The following TCP11L1 variants were observed in gnomAD, a reference collection of about 807,000 sequenced individuals.
TCP11L1 encodes the protein t-complex 11 like 1.
Under a neutral mutation model 48.9 loss-of-function variants are expected in TCP11L1, and 28 were observed. The ratio of observed to expected loss-of-function variants is 0.57; its 90% CI spans 0.42 to 0.78. The LOEUF (loss-of-function observed/expected upper bound fraction) is 0.78. Ranked by LOEUF, TCP11L1 falls within the 30% of genes least tolerant of loss-of-function variation. The pLI is 0.00. For missense variants in TCP11L1, 505 were observed against 613.4 expected (o/e 0.82, Z 1.87); for synonymous variants, 204 against 231.9 (o/e 0.88, Z 1.09).
intron 2 of TCP11L1, among the ~76,000 whole-genome samples, chr11:33,046,843 T>C (rs1474985): frequency 0.41 from 62,473 of 152,150 alleles, 13,050 homozygotes; most frequent in African/African-American, 0.48. Flanking sequence ...TCTAAAATCA[T>C]ATTTGGAATT....
At chr11:33,053,202 T>C (rs1232439778) in intron 2 of TCP11L1, among the ~76,000 whole-genome samples, 1 of 148,022 alleles carries the variant, frequency 6.8e-6, no homozygotes, top group Admixed American at 7.0e-5. Context: ...TGGAGTGCAA[T>C]GGTGTGATCT....
At chr11:33,064,923 T>C (rs1275793519) in intron 7 of TCP11L1, among the ~76,000 whole-genome samples, 3 of 152,236 alleles carry the variant, frequency 2.0e-5, no homozygotes, top group Non-Finnish European at 4.4e-5. Flanking sequence ...TCCCAGTAGC[T>C]GGGACTGCAG....
At chr11:33,040,209 G>T (rs1311677564) in intron 1 of TCP11L1, 2 of 152,146 alleles carry the variant, frequency 1.3e-5, no homozygotes, top group African/African-American at 2.4e-5. Flanking sequence ...CTTGGCAAGT[G>T]CGAGGATCCT....
At chr11:33,066,066 G>T in intron 8 of TCP11L1, 55 bp downstream of exon 8, 1 of 1,596,806 alleles carries the variant, frequency 6.3e-7, no homozygotes, top group Non-Finnish European at 8.5e-7. Context: ...AGAGCCGACT[G>T]GAGTCTCCCA....
intron 3 of TCP11L1, among the ~76,000 whole-genome samples, chr11:33,055,007 T>C (rs1244123487): frequency 6.6e-6 from 1 of 152,260 alleles, no homozygotes; most frequent in East Asian, 1.9e-4. Flanking sequence ...ACTATAGTTG[T>C]TGGTTTCATC....
At chr11:33,065,533 G>A (rs1854588893) in intron 7 of TCP11L1, among the ~76,000 whole-genome samples, 1 of 152,324 alleles carries the variant, frequency 6.6e-6, no homozygotes, top group South Asian at 2.1e-4. Flanking sequence ...AAAGCGCTGG[G>A]ATTACAGGCG....
At chr11:33,068,062 A>G (rs1177516592) in intron 8 of TCP11L1, among the ~76,000 whole-genome samples, 3 of 151,866 alleles carry the variant, frequency 2.0e-5, no homozygotes, top group Non-Finnish European at 4.4e-5. Flanking sequence ...GATTACAGGC[A>G]CCTATCACCA....
intron 4 of TCP11L1, among the ~76,000 whole-genome samples, chr11:33,057,518 C>T (rs1483088707): frequency 2.6e-5 from 4 of 152,064 alleles, no homozygotes; most frequent in Non-Finnish European, 5.9e-5. Context: ...TTATAATGGC[C>T]AAAAAGTGAC....
chr11:33,053,828 C>G (rs1019345106), intron 2 of TCP11L1, among the ~76,000 whole-genome samples: 26 of 152,068 alleles, frequency 1.7e-4, no homozygotes, highest in African/African-American at 6.3e-4. Flanking sequence ...TTTTTTACAA[C>G]TTTTTATTTT....
chr11:33,045,165 G>A (rs1480083575), intron 2 of TCP11L1, among the ~76,000 whole-genome samples: 1 of 151,734 alleles, frequency 6.6e-6, no homozygotes, highest in Non-Finnish European at 1.5e-5. Flanking sequence ...GACCAGCCTA[G>A]GCAACATAAT....
At chr11:33,051,308 C>T (rs1025228696) in intron 2 of TCP11L1, among the ~76,000 whole-genome samples, 14 of 151,986 alleles carry the variant, frequency 9.2e-5, no homozygotes, top group African/African-American at 2.7e-4. Context: ...GCTGGGACTA[C>T]AGACACCTGC....
intron 2 of TCP11L1, among the ~76,000 whole-genome samples, chr11:33,048,505 T>C (rs1357709623): frequency 6.6e-6 from 1 of 152,262 alleles, no homozygotes; most frequent in African/African-American, 2.4e-5. Context: ...TTGTATGCAG[T>C]GAATAATTCC....
chr11:33,068,890 G>GTGCC, intron 9 of TCP11L1, 31 bp downstream of exon 9: 4 of 1,600,738 alleles, frequency 2.5e-6, no homozygotes, highest in Non-Finnish European at 3.4e-6. Flanking sequence ...CAGCAGGGAT[G>GTGCC]TGCCCTCTGA....
chr11:33,045,621 G>T (rs1402373259), intron 2 of TCP11L1, among the ~76,000 whole-genome samples: 1 of 152,218 alleles, frequency 6.6e-6, no homozygotes, highest in Non-Finnish European at 1.5e-5. Context: ...TTCTGCTAAA[G>T]AAGAACTTTT....
Position 33,058,028 on chromosome 11 carries a change from T to C in TCP11L1, c.527T>C (p.Ile176Thr). The change falls in exon 5 of 10, where the codon ATT becomes ACT. Residue 176 changes from isoleucine to threonine, a missense_variant. Physicochemically the swap from Ile to Thr is moderately conservative, Grantham distance 89 (BLOSUM62 -1). Around this residue, in one of 3 missense-constraint regions of TCP11L1, gnomAD observed 335 missense variants for 413.3 expected, o/e 0.81. Coordinates refer to ENST00000334274, the MANE Select transcript of TCP11L1 (RefSeq NM_018393.4). ...GAAGCAGAGAATGGGGCGCTAGACA[T>C]TTCCAAGCTGGCAGAATTCATTATT... is the stretch of plus-strand genomic sequence containing the variant. ...KQEAENGALDISKLAEFIIGM... is the reference protein window; with the variant it reads ...KQEAENGALDTSKLAEFIIGM... 1 of 1,614,096 alleles carries C rather than the reference T, an allele frequency of 6.2e-7. No individual in the cohort carries two copies. The highest frequency in any genetic ancestry group is 1.1e-5 in the South Asian group (1 of 91,082).
At chr11:33,056,823 G>T in intron 3 of TCP11L1, 1 of 310,198 alleles carries the variant, frequency 3.2e-6, no homozygotes, top group South Asian at 4.6e-5. Context: ...TAACAGCTTT[G>T]AACTTTCCAA....
chr11:33,062,919 G>T (rs567388136), intron 7 of TCP11L1, among the ~76,000 whole-genome samples: 2 of 152,176 alleles, frequency 1.3e-5, no homozygotes, highest in African/African-American at 4.8e-5. Context: ...CTCAGGCTAG[G>T]TGGTACGACA....
chr11:33,073,253 C>CTT lies in TCP11L1; in HGVS notation c.*587_*588dup, dbSNP rs556871696. The CTT allele has an allele frequency of 7.8e-3, 1,162 of 148,292 alleles. 3 individuals are homozygous for CTT. Among genetic ancestry groups the CTT allele is most frequent in the Non-Finnish European group, 0.012 (834 of 66,944 alleles). 9.2% of individuals were successfully genotyped at this position (148,292 alleles called of 1,614,324 possible). A position where few individuals can be genotyped will look rare whatever the true frequency, so the allele number is the denominator to read the frequency against. The stretch of plus-strand genomic sequence containing the variant: ...AGAGGAGAGTTATTTGTCTCTCTCT[C>CTT]TTTTTTTTTTTACTTTCTTTTTTGT... On this transcript the variant is annotated 3_prime_UTR_variant, in exon 10 of 10. Coordinates refer to ENST00000334274, the MANE Select transcript of TCP11L1 (RefSeq NM_018393.4).
rs1230179455 is a variant in TCP11L1 at position 33,065,963 on chromosome 11, A to T, written c.1106A>T (p.Glu369Val). The T allele has an allele frequency of 1.2e-6, 2 of 1,614,078 alleles. No individual in the cohort carries two copies. The highest frequency in any genetic ancestry group is 2.7e-5 in the African/African-American group (2 of 74,936). ...PGISSQADFAEKLKMIVKILL... is the reference protein window; with the variant it reads ...PGISSQADFAVKLKMIVKILL... ...ATTTCCAGCCAGGCCGACTTTGCTG[A>T]GAAACTCAAGATGATTGTGAAGATT... Residue 369 changes from glutamate to valine, a missense_variant, in exon 8 of 10, where the codon GAG becomes GTG. Physicochemically the swap from Glu to Val is moderately radical, Grantham distance 121. This residue lies in a region of TCP11L1 where 335 missense variants were observed against 413.3 expected (regional missense o/e 0.81). Coordinates refer to ENST00000334274, the MANE Select transcript of TCP11L1 (RefSeq NM_018393.4).
Sources: gnomAD v4.1 joint callset for allele counts (sites outside exome capture counted in the v4.1 genomes callset) on GRCh38, gnomAD v4.1.1 for gene constraint, gnomAD v4.1.1 regional missense constraint, MANE v1.5 for transcripts, NCBI Gene and HGNC (gene_info 2026-07-23, HGNC 2026-07-21) for gene names.